The following CER1 variants were observed in gnomAD, a reference collection of about 807,000 sequenced individuals.
The protein encoded by CER1 is cerberus.
CER1 carries 10 observed loss-of-function variants against 11.8 expected under a neutral mutation model. That is an observed-to-expected ratio of 0.85 (90% confidence interval 0.52 to 1.44). The LOEUF (loss-of-function observed/expected upper bound fraction) is 1.44. CER1 is among the 40% of genes most tolerant of loss of function. CER1 has a pLI of 0.00. For synonymous variants in CER1, 141 were observed against 122.3 expected (o/e 1.15, Z -1.01); for missense variants, 431 against 327.0 (o/e 1.32, Z -2.45).
Position 14,720,010 on chromosome 9 carries a change from C to A in CER1, c.*80G>T. ...CCTTTCCCTGAAAATGTTATGTACC[C>A]ACTTAACATTTTCAGACTGAATAAT... On this transcript the variant is annotated 3_prime_UTR_variant, in exon 2 of 2. Coordinates refer to ENST00000380911, the MANE Select transcript of CER1 (RefSeq NM_005454.3). The A allele has an allele frequency of 7.7e-7, 1 of 1,304,880 alleles. No individual in the cohort carries two copies. The highest frequency in any genetic ancestry group is 1.1e-6 in the Non-Finnish European group (1 of 914,532). The allele number at this position is 1,304,880 out of a possible 1,614,324, so 80.8% of individuals were successfully genotyped here.
At chr9:14,718,501 T>C (rs1207403993), downstream of CER1, among the ~76,000 whole-genome samples, 1 of 152,226 alleles carries the variant, frequency 6.6e-6, no homozygotes, top group Non-Finnish European at 1.5e-5. Flanking sequence ...GTAACTCACA[T>C]TCATGTTGAT....
Position 14,720,149 on chromosome 9 carries a change from C to G in CER1, c.745G>C (p.Asp249His). 1.2e-6 allele frequency: 2 copies of G among 1,614,190 alleles called. No homozygotes were observed. Among genetic ancestry groups the G allele is most frequent in the Non-Finnish European group, 1.7e-6 (2 of 1,180,046 alleles). Residue 249 changes from aspartate to histidine, a missense_variant, in exon 2 of 2, where the codon GAT becomes CAT. Asp to His is a moderately conservative substitution (Grantham distance 81). Coordinates refer to ENST00000380911, the MANE Select transcript of CER1 (RefSeq NM_005454.3). ...GAGCCAGCATGTAGGATGTGTCCAT[C>G]TTCATGCTCCGTCTTCACCTTGCAC... is the stretch of plus-strand genomic sequence containing the variant. Reference protein sequence around the residue: ...CQCKVKTEHEDGHILHAGSQD... With the variant: ...CQCKVKTEHEHGHILHAGSQD...
At chr9:14,718,351 C>G (rs570787229), downstream of CER1, among the ~76,000 whole-genome samples, 310 of 152,220 alleles carry the variant, frequency 2.0e-3, 5 homozygotes, top group South Asian at 0.034. Flanking sequence ...GCTTTTGGCA[C>G]CAAAATATAT....
Position 14,722,308 on chromosome 9 carries a change from T to C in CER1, c.365A>G (p.Glu122Gly). 1.2e-6 allele frequency: 2 copies of C among 1,614,228 alleles called. No homozygotes were observed. Among genetic ancestry groups the C allele is most frequent in the Non-Finnish European group, 8.5e-7 (1 of 1,180,036 alleles). Residue 122 changes from glutamate (E) to glycine (G), a missense_variant, in exon 1 of 2, where the codon GAG (glutamate) becomes GGG (glycine). Transcript: ENST00000380911. ...LIQPIDGMKM[E>G]KSPLREEAKK... Reference sequence around the variant, plus strand: ...GGCTTCTTCCCGAAGAGGAGATTTCTCCATTTTCATTCCATCTATCGGCTG... The same window carrying C: ...GGCTTCTTCCCGAAGAGGAGATTTCCCCATTTTCATTCCATCTATCGGCTG...
Position 14,720,470 on chromosome 9 carries a change from G to A in CER1, c.508-84C>T. 2.3e-6 allele frequency: 3 copies of A among 1,329,190 alleles called. No individual in the cohort carries two copies. The South Asian group carries it at 4.5e-5, about 20-fold the overall frequency. 82.3% of individuals were successfully genotyped at this position (1,329,190 alleles called of 1,614,324 possible). A position where few individuals can be genotyped will look rare whatever the true frequency, so the allele number is the denominator to read the frequency against. On this transcript the variant is annotated intron_variant, in intron 1 of 1. Coordinates refer to ENST00000380911, the MANE Select transcript of CER1 (RefSeq NM_005454.3). ...TGCAGAAGCTATGGACTGTAAATCT[G>A]AGGATAATTTAAAAATTTCAAAGCT...
Sources: allele counts gnomAD v4.1 joint callset (sites outside exome capture counted in the v4.1 genomes callset), GRCh38; gene constraint gnomAD v4.1.1; transcripts MANE v1.5; gene names NCBI Gene and HGNC (gene_info 2026-07-23, HGNC 2026-07-21).